The following ZNF2 variants were observed in gnomAD, a reference collection of about 807,000 sequenced individuals.
The protein encoded by ZNF2 is zinc finger protein 2, also known as zinc finger protein 2.2.
In ZNF2, 12 loss-of-function variants were observed where a neutral mutation model predicts 21.9. That is an observed-to-expected ratio of 0.55 (90% CI 0.35 to 0.89). The LOEUF (loss-of-function observed/expected upper bound fraction) is 0.89. Ranked by LOEUF, ZNF2 falls within the 40% of genes least tolerant of loss-of-function variation. The probability of loss-of-function intolerance (pLI) is 0.01; values close to 1 mark genes in which losing one functional copy is unlikely to be tolerated. For synonymous variants in ZNF2, 186 were observed against 196.3 expected (o/e 0.95, Z 0.44); for missense variants, 462 against 544.2 (o/e 0.85, Z 1.50).
At chr2:95,176,131 C>T (rs867967854) in intron 1 of ZNF2, 57 bp from the exon 2 acceptor site, 25 of 1,469,836 alleles carry the variant, frequency 1.7e-5, no homozygotes, top group African/African-American at 1.7e-4. Flanking sequence ...AAAGACTATG[C>T]GACAGGACTG....
At chr2:95,178,914 G>A (rs1674539823) in intron 3 of ZNF2, among the ~76,000 whole-genome samples, 1 of 151,574 alleles carries the variant, frequency 6.6e-6, no homozygotes, top group African/African-American at 2.4e-5. Context: ...TAAATAAAAT[G>A]GTATTTTAAA....
At chr2:95,169,674 G>A (rs921413413) in intron 1 of ZNF2, among the ~76,000 whole-genome samples, 2 of 151,958 alleles carry the variant, frequency 1.3e-5, no homozygotes, top group Non-Finnish European at 2.9e-5. Flanking sequence ...CGCTTGAACC[G>A]GGGAGGCAGA....
Position 95,181,995 on chromosome 2 carries a change from T to A in ZNF2, c.1167T>A (p.Arg389=). The A allele has an allele frequency of 6.2e-7, 1 of 1,614,286 alleles. No homozygotes were observed. The part of the protein sequence containing the change: ...SQRCRLTRHQ[R]VHTGEKPFEC... ...GGTGCCGGCTCACGCGGCATCAGCG[T>A]GTCCACACGGGAGAGAAGCCCTTTG... The change falls in exon 5 of 5, where the codon CGT becomes CGA. Residue 389 remains arginine, a synonymous_variant. Coordinates refer to ENST00000614034, the MANE Select transcript of ZNF2 (RefSeq NM_021088.4).
At position 95,180,422 on chromosome 2, in the gene ZNF2, C is replaced by G. The variant is rs1674599329; in HGVS notation, c.274+150C>G. On this transcript the variant is annotated intron_variant, in intron 4 of 4. Coordinates refer to ENST00000614034, the MANE Select transcript of ZNF2 (RefSeq NM_021088.4). The stretch of plus-strand genomic sequence containing the variant: ...ATCACCCAATAGCTTTTATTTTTTT[C>G]CCTCTACACCTTAACGTGTTATTCA... The G allele has an allele frequency of 1.4e-5, 8 of 568,636 alleles. No individual in the cohort carries two copies. The South Asian group carries it at 2.1e-4, about 15-fold the overall frequency. The allele number at this position is 568,636 out of a possible 1,614,324, so 35.2% of individuals were successfully genotyped here. A position where few individuals can be genotyped will look rare whatever the true frequency, so the allele number is the denominator to read the frequency against.
chr2:95,166,864 C>T (rs1162385732), intron 1 of ZNF2, among the ~76,000 whole-genome samples: 1 of 152,110 alleles, frequency 6.6e-6, no homozygotes, highest in Non-Finnish European at 1.5e-5. Context: ...GATGGTGGAA[C>T]GCCTGATTTA....
intron 1 of ZNF2, among the ~76,000 whole-genome samples, chr2:95,168,235 G>A (rs1179071420): frequency 6.6e-6 from 1 of 152,142 alleles, no homozygotes; most frequent in South Asian, 2.1e-4. Flanking sequence ...AACCATCCTG[G>A]CCAAAATGGT....
chr2:95,182,488 G>C lies in ZNF2; in HGVS notation c.*382G>C, dbSNP rs2104512504. The C allele has an allele frequency of 5.8e-6, 1 of 170,944 alleles. No homozygotes were observed. The highest frequency in any genetic ancestry group is 2.4e-5 in the African/African-American group (1 of 41,810). The allele number at this position is 170,944 out of a possible 1,614,324, so 10.6% of individuals were successfully genotyped here. ...TTTTTTTTTTCAGAACATTTGTTTT[G>C]ATGGCTGTTAGTCCCCCTCTCTTGG... On this transcript the variant is annotated 3_prime_UTR_variant, in exon 5 of 5. Transcript: ENST00000614034.
At chr2:95,171,349 C>G (rs1203326370) in intron 1 of ZNF2, among the ~76,000 whole-genome samples, 14 of 151,922 alleles carry the variant, frequency 9.2e-5, no homozygotes, top group Admixed American at 9.2e-4. Context: ...GCCTCTTCTT[C>G]CAGCCAGTGT....
intron 2 of ZNF2, 69 bp downstream of exon 2, chr2:95,176,328 A>C (rs1674444106): frequency 6.2e-7 from 1 of 1,601,134 alleles, no homozygotes; most frequent in Admixed American, 1.7e-5. Flanking sequence ...TTCTTTCTCT[A>C]TCCTGGAGCC....
chr2:95,172,913 A>G (rs993356050), intron 1 of ZNF2, among the ~76,000 whole-genome samples: 1 of 151,252 alleles, frequency 6.6e-6, no homozygotes, highest in African/African-American at 2.4e-5. Flanking sequence ...CTGGGATTAC[A>G]GGTGTGAGCC....
intron 3 of ZNF2, among the ~76,000 whole-genome samples, chr2:95,179,272 AG>A (rs1342446123): frequency 6.6e-6 from 1 of 152,212 alleles, no homozygotes; most frequent in Admixed American, 6.5e-5. Context: ...GATTACTGGC[AG>A]GAGCCACTGT....
chr2:95,181,844 C>T lies in ZNF2; in HGVS notation c.1016C>T (p.Pro339Leu). The change falls in exon 5 of 5, where the codon CCT becomes CTT. Residue 339 changes from proline (P) to leucine (L), a missense_variant. Pro to Leu is a moderately conservative substitution (Grantham distance 98, BLOSUM62 -3). Coordinates refer to ENST00000614034, the MANE Select transcript of ZNF2 (RefSeq NM_021088.4). ...CATCAGAAAGCTCATGCTGGGGACC[C>T]TCGCTATCAGTGTAACGAGTGTGGC... ...NRHQKAHAGD[P>L]RYQCNECGKA... is the part of the protein sequence containing the mutation. The T allele has an allele frequency of 6.2e-7, 1 of 1,614,128 alleles. No homozygotes were observed. Among genetic ancestry groups the T allele is most frequent in the Non-Finnish European group, 8.5e-7 (1 of 1,180,032 alleles).
In ZNF2 at chr2:95,181,170, C is replaced by G. The variant is rs1558716193; in HGVS notation, c.342C>G (p.Cys114Trp). ...AATCAGAAGGATCATTGAGGGAATGCCTTGGAAGGCAAAGTCCTCTGTGTC... is the reference window on the plus strand; with the variant it reads ...AATCAGAAGGATCATTGAGGGAATGGCTTGGAAGGCAAAGTCCTCTGTGTC... ...DKKSEGSLRE[C>W]LGRQSPLCPK... Residue 114 changes from cysteine to tryptophan, a missense_variant, in exon 5 of 5, where the codon TGC becomes TGG. Coordinates refer to ENST00000614034, the MANE Select transcript of ZNF2 (RefSeq NM_021088.4). 1 of 1,614,222 alleles carries G rather than the reference C, an allele frequency of 6.2e-7. No homozygotes were observed. The highest frequency in any genetic ancestry group is 8.5e-7 in the Non-Finnish European group (1 of 1,180,030).
intron 2 of ZNF2, among the ~76,000 whole-genome samples, chr2:95,177,250 G>A (rs1674477206): frequency 6.6e-6 from 1 of 152,202 alleles, no homozygotes; most frequent in African/African-American, 2.4e-5. Flanking sequence ...TGAAAAAAGA[G>A]TCTGATATTC....
At chr2:95,178,852 A>G (rs1430147490) in intron 3 of ZNF2, among the ~76,000 whole-genome samples, 1 of 152,224 alleles carries the variant, frequency 6.6e-6, no homozygotes, top group Non-Finnish European at 1.5e-5. Context: ...TGTTATCCAT[A>G]CAATGTCATA....
intron 4 of ZNF2, 105 bp from the exon 5 acceptor site, chr2:95,180,998 A>C: frequency 1.5e-6 from 2 of 1,349,954 alleles, no homozygotes; most frequent in Non-Finnish European, 2.0e-6. Context: ...GGGAGCAAGC[A>C]ATGCAGTGAC....
intron 1 of ZNF2, among the ~76,000 whole-genome samples, chr2:95,167,358 T>G (rs538527172): frequency 1.3e-5 from 2 of 150,394 alleles, no homozygotes; most frequent in Non-Finnish European, 3.0e-5. Context: ...TACAAAAAAT[T>G]AGCCGGGCGT....
At position 95,183,168 on chromosome 2, in the gene ZNF2, G is replaced by A. The variant is rs1674740603; in HGVS notation, c.*1062G>A. On this transcript the variant is annotated 3_prime_UTR_variant, in exon 5 of 5. Transcript: ENST00000614034. ...TGGTACAGTAACAAGCCCGCAGAGA[G>A]CTATGTCTCCCTTAAAACCTGACGG... 1 of 152,202 alleles carries A rather than the reference G, an allele frequency of 6.6e-6. No homozygotes were observed. The highest frequency in any genetic ancestry group is 2.4e-5 in the African/African-American group (1 of 41,438). The allele number at this position is 152,202 out of a possible 1,614,324, so 9.4% of individuals were successfully genotyped here.
chr2:95,181,854 G>C lies in ZNF2; in HGVS notation c.1026G>C (p.Gln342His), dbSNP rs187140376. Reference protein sequence around the residue: ...QKAHAGDPRYQCNECGKAFFD... With the variant: ...QKAHAGDPRYHCNECGKAFFD... ...CTCATGCTGGGGACCCTCGCTATCA[G>C]TGTAACGAGTGTGGCAAAGCTTTCT... is the stretch of plus-strand genomic sequence containing the variant. The change falls in exon 5 of 5, where the codon CAG (glutamine) becomes CAC (histidine). Residue 342 changes from glutamine (Q) to histidine (H), a missense_variant. Transcript: ENST00000614034. 18 of 1,614,098 alleles carry C rather than the reference G, an allele frequency of 1.1e-5. No individual in the cohort carries two copies. Among genetic ancestry groups the C allele is most frequent in the African/African-American group, 2.7e-5 (2 of 74,934 alleles).
Sources: gnomAD v4.1 joint callset for allele counts (sites outside exome capture counted in the v4.1 genomes callset) on GRCh38, gnomAD v4.1.1 for gene constraint, MANE v1.5 for transcripts, NCBI Gene and HGNC (gene_info 2026-07-23, HGNC 2026-07-21) for gene names.